Variants in ZFHX3 observed in about 807,000 individuals in gnomAD.
The protein encoded by ZFHX3 is zinc finger homeobox protein 3.
A neutral mutation model predicts 279.1 loss-of-function variants in ZFHX3; 42 were observed. The ratio of observed to expected loss-of-function variants is 0.15; its 90% confidence interval spans 0.12 to 0.19. ZFHX3 has a LOEUF of 0.19. ZFHX3 is among the 10% of genes least tolerant of loss of function. The pLI is 1.00. For synonymous variants in ZFHX3, 2,293 were observed against 1,957.8 expected (o/e 1.17, Z -4.52); for missense variants, 4,981 against 4,754.0 (o/e 1.05, Z -1.40).
chr16:73,489,911 T>C (rs1050133751), intron 2 of ZFHX3, among the ~76,000 whole-genome samples: 1 of 152,162 alleles, frequency 6.6e-6, no homozygotes, highest in South Asian at 2.1e-4. Context: ...ATGTCAAAAT[T>C]TGTCTGAACT....
chr16:72,863,636 A>G (rs2037942036), intron 4 of ZFHX3, among the ~76,000 whole-genome samples: 2 of 152,192 alleles, frequency 1.3e-5, no homozygotes, highest in African/African-American at 2.4e-5. Flanking sequence ...GGGGTAGTGT[A>G]TAGATGAAAC....
chr16:73,521,052 T>A (rs1387879532), intron 2 of ZFHX3, among the ~76,000 whole-genome samples: 1 of 152,136 alleles, frequency 6.6e-6, no homozygotes, highest in African/African-American at 2.4e-5. Flanking sequence ...AACATCATCA[T>A]CCAAAGAACA....
At chr16:72,803,785 G>A (rs2036184936) in intron 7 of ZFHX3, among the ~76,000 whole-genome samples, 1 of 152,192 alleles carries the variant, frequency 6.6e-6, no homozygotes, top group African/African-American at 2.4e-5. Context: ...AACCTGAGAA[G>A]TAATGAGAAG....
At chr16:73,815,237 G>A (rs529520011) in intron 1 of ZFHX3, among the ~76,000 whole-genome samples, 1 of 152,128 alleles carries the variant, frequency 6.6e-6, no homozygotes, top group Non-Finnish European at 1.5e-5. Context: ...AAATCACCAG[G>A]CTGTGTCTTT....
At chr16:73,556,861 C>T (rs924263701) in intron 2 of ZFHX3, among the ~76,000 whole-genome samples, 6 of 151,678 alleles carry the variant, frequency 4.0e-5, no homozygotes, top group East Asian at 2.0e-4. Context: ...TTTGGGAGGC[C>T]GAGACAGGCA....
intron 5 of ZFHX3, among the ~76,000 whole-genome samples, chr16:73,236,004 G>C (rs2012936315): frequency 2.0e-5 from 3 of 152,200 alleles, no homozygotes; most frequent in Non-Finnish European, 4.4e-5. Context: ...CCATCTATGA[G>C]TTAAGTGAAA....
intron 3 of ZFHX3, among the ~76,000 whole-genome samples, chr16:73,409,590 A>G (rs2017426827): frequency 6.6e-6 from 1 of 152,222 alleles, no homozygotes; most frequent in Non-Finnish European, 1.5e-5. Flanking sequence ...TAGAGCTACC[A>G]TATGGTCCAG....
chr16:73,851,690 ATCT>A (rs776316428), intron 1 of ZFHX3, among the ~76,000 whole-genome samples: 54 of 152,320 alleles, frequency 3.5e-4, no homozygotes, highest in Admixed American at 7.2e-4. Flanking sequence ...ACCTACTGAA[ATCT>A]TCTAATAACG....
intron 2 of ZFHX3, among the ~76,000 whole-genome samples, chr16:73,479,086 C>T (rs969848391): frequency 2.0e-5 from 3 of 152,068 alleles, no homozygotes; most frequent in Non-Finnish European, 2.9e-5. Context: ...ACTCACCCCT[C>T]CCTTGTTGTA....
At chr16:73,883,617 C>T (rs183347093) in intron 1 of ZFHX3, among the ~76,000 whole-genome samples, 8 of 151,920 alleles carry the variant, frequency 5.3e-5, no homozygotes, top group East Asian at 1.9e-4. Flanking sequence ...CAGAAAGGCG[C>T]GGTAAAAATC....
intron 1 of ZFHX3, among the ~76,000 whole-genome samples, chr16:73,857,016 C>T (rs769606799): frequency 3.3e-5 from 5 of 152,154 alleles, no homozygotes; most frequent in Admixed American, 6.5e-5. Context: ...AACAGAGTGC[C>T]GAGGTAATTC....
In ZFHX3 at chr16:73,265,078, CGTGTGTGTGTGT is replaced by C. The variant is rs72075949; in HGVS notation, c.-1193-7954_-1193-7943del. On this transcript the variant is annotated intron_variant, in intron 4 of 17. Transcript: ENST00000641206. ...ATAATAGCACCTCAGCGCATATATG[CGTGTGTGTGTGT>C]GTGTGTGTGTGTGTGTGTGTATATA... Among the ~76,000 whole-genome samples, 10 of 145,980 alleles carry C rather than the reference CGTGTGTGTGTGT, an allele frequency of 6.9e-5. No individual in the cohort carries two copies. In the East Asian group the frequency reaches 1.6e-3, roughly 24 times the overall value.
chr16:73,566,259 T>C (rs1303341472), intron 2 of ZFHX3, among the ~76,000 whole-genome samples: 1 of 152,240 alleles, frequency 6.6e-6, no homozygotes, highest in East Asian at 1.9e-4. Flanking sequence ...AGATGGCTTC[T>C]CCTGTTGAGA....
chr16:72,799,898 C>A, intron 8 of ZFHX3, 129 bp downstream of exon 8: 1 of 767,410 alleles, frequency 1.3e-6, no homozygotes. Context: ...GATGACAGTG[C>A]CCCTCATCTC....
At chr16:73,462,866 C>T (rs915772897) in intron 2 of ZFHX3, among the ~76,000 whole-genome samples, 6 of 152,074 alleles carry the variant, frequency 3.9e-5, no homozygotes, top group Non-Finnish European at 7.4e-5. Flanking sequence ...GCATACTGGT[C>T]TGTAGTTTTC....
intron 1 of ZFHX3, among the ~76,000 whole-genome samples, chr16:73,859,405 T>C (rs1202448645): frequency 6.6e-6 from 1 of 152,210 alleles, no homozygotes; most frequent in Non-Finnish European, 1.5e-5. Context: ...CTCCCTTGAC[T>C]CCTGTCTCTC....
rs541666402 is a variant in ZFHX3 at position 72,960,268 on chromosome 16, C to A, written c.-49-74G>T. 8 of 1,252,342 alleles carry A rather than the reference C, an allele frequency of 6.4e-6. No individual in the cohort carries two copies. The East Asian group carries it at 1.5e-4, about 24-fold the overall frequency. 77.6% of individuals were successfully genotyped at this position (1,252,342 alleles called of 1,614,324 possible). ...GAGAAAGGAAAGAGGTTAGGAGGGC[C>A]GAGGCTGAGGTCCTACCGCACGGAG... On this transcript the variant is annotated intron_variant, in intron 1 of 9. Coordinates refer to ENST00000268489, the MANE Select transcript of ZFHX3 (RefSeq NM_006885.4).
At position 73,367,638 on chromosome 16, in the gene ZFHX3, T is replaced by A. The variant is rs569022865; in HGVS notation, c.-1290-49302A>T. ...TGGGTGTGGAAAGAATGAAAGGGAC[T>A]TAAGGATTACAGGTGCTGTCCAGCC... On this transcript the variant is annotated intron_variant, in intron 3 of 17. Transcript: ENST00000641206. Among the ~76,000 whole-genome samples, 6 of 152,312 alleles carry A rather than the reference T, an allele frequency of 3.9e-5. No homozygotes were observed. In the East Asian group the frequency reaches 1.2e-3, roughly 29 times the overall value.
chr16:72,888,429 T>G (rs1190906324), intron 4 of ZFHX3, among the ~76,000 whole-genome samples: 3 of 152,110 alleles, frequency 2.0e-5, no homozygotes, highest in Non-Finnish European at 2.9e-5. Context: ...TCCACGAAGC[T>G]CAGCATCTGG....
Sources: gnomAD v4.1 joint callset for allele counts (sites outside exome capture counted in the v4.1 genomes callset) on GRCh38, gnomAD v4.1.1 for gene constraint, MANE v1.5 for transcripts, NCBI Gene and HGNC (gene_info 2026-07-23, HGNC 2026-07-21) for gene names.